The following DCST2 variants were observed in gnomAD, a reference collection of about 807,000 sequenced individuals.
The protein encoded by DCST2 is DC-STAMP domain-containing protein 2.
DCST2 carries 64 observed loss-of-function variants against 81.8 expected under a neutral mutation model. That is an observed-to-expected ratio of 0.78 (90% CI 0.64 to 0.96). The LOEUF (loss-of-function observed/expected upper bound fraction) is 0.96. Among genes scored for constraint, DCST2 ranks in the 40% least tolerant of loss-of-function variants. The pLI is 0.00. For synonymous variants in DCST2, 354 were observed against 402.6 expected, an observed-to-expected ratio of 0.88 and a Z score of 1.44; for missense variants, 945 against 1,001.4, an observed-to-expected ratio of 0.94 and a Z score of 0.76.
intron 7 of DCST2, among the ~76,000 whole-genome samples, chr1:155,029,723 T>G (rs1660013650): frequency 6.6e-6 from 1 of 152,056 alleles, no homozygotes; most frequent in African/African-American, 2.4e-5. Context: ...CCCTCCATAT[T>G]AGCACTTCCT....
In DCST2 at chr1:155,018,637, G is replaced by C. The variant is rs371755027; in HGVS notation, c.2229C>G (p.Ser743=). 6.2e-7 allele frequency: 1 copy of C among 1,613,888 alleles called. No homozygotes were observed. Among genetic ancestry groups the C allele is most frequent in the South Asian group, 1.1e-5 (1 of 91,078 alleles). ...PEPHRPPETS[S]ATKGAPTPAS... ...CTGGAGTGGGGGCTCCTTTAGTGGC[G>C]GAGGATGTCTCAGGTGGTCTGTGGG... The change falls in exon 15 of 15, where the codon TCC becomes TCG. Residue 743 remains serine, a synonymous_variant. Coordinates refer to ENST00000368424, the MANE Select transcript of DCST2 (RefSeq NM_144622.3).
chr1:155,026,400 C>T lies in DCST2; in HGVS notation c.1513G>A (p.Val505Ile), dbSNP rs749108165. The T allele has an allele frequency of 8.1e-6, 13 of 1,613,604 alleles. No individual in the cohort carries two copies. The Admixed American group carries it at 2.0e-4, about 25-fold the overall frequency. The change falls in exon 10 of 15, where the codon GTC becomes ATC. Residue 505 changes from valine to isoleucine, a missense_variant and splice_region_variant. Transcript: ENST00000368424. The stretch of plus-strand genomic sequence containing the variant: ...ATGAAGAAGCATAGGCCATACATGA[C>T]GCCTGGGAGCACAGCAGCCACAGTC... ...PDSTGYIVIG[V>I]MYGLCFFITL...
chr1:155,029,320 C>A lies in DCST2; in HGVS notation c.1255G>T (p.Val419Leu). Residue 419 changes from valine (V) to leucine (L), a missense_variant, in exon 8 of 15, where the codon GTG (valine) becomes TTG (leucine). Physicochemically the swap from Val to Leu is conservative, Grantham distance 32. Coordinates refer to ENST00000368424, the MANE Select transcript of DCST2 (RefSeq NM_144622.3). ...TFNLIRHLLL[V>L]LFLVFLDYAV... ...TAGTCTAGGAAGACTAGGAACAGCA[C>A]GAGGAGGAGGTGTCGGATAAGGTTG... The A allele has an allele frequency of 6.2e-7, 1 of 1,613,952 alleles. No homozygotes were observed. Among genetic ancestry groups the A allele is most frequent in the East Asian group, 2.2e-5 (1 of 44,882 alleles).
At chr1:155,031,080 G>T (rs1345237082) in intron 5 of DCST2, 89 bp downstream of exon 5, 13 of 1,351,116 alleles carry the variant, frequency 9.6e-6, no homozygotes, top group Non-Finnish European at 1.3e-5. Context: ...TTTATGGGCT[G>T]GGAGCACTGG....
At chr1:155,032,431 G>C (rs1299995574) in intron 3 of DCST2, among the ~76,000 whole-genome samples, 1 of 152,052 alleles carries the variant, frequency 6.6e-6, no homozygotes, top group South Asian at 2.1e-4. Flanking sequence ...CTCCCCAGTA[G>C]CTGGGACTAC....
Position 155,022,156 on chromosome 1 carries a change from C to G in DCST2, c.2105+961G>C, listed in dbSNP as rs542124815. ...TTCTAGGATTACAGGCATGAGCCAC[C>G]GTGCCCGGCCCGCTTATGGTCTTAA... is the stretch of plus-strand genomic sequence containing the variant. On this transcript the variant is annotated intron_variant, in intron 14 of 14. Coordinates refer to ENST00000368424, the MANE Select transcript of DCST2 (RefSeq NM_144622.3). Among the ~76,000 whole-genome samples, 3 of 152,254 alleles carry G rather than the reference C, an allele frequency of 2.0e-5. No individual in the cohort carries two copies. The East Asian group carries it at 5.8e-4, about 29-fold the overall frequency.
At chr1:155,024,914 C>T (rs953662247) in intron 10 of DCST2, among the ~76,000 whole-genome samples, 5 of 151,912 alleles carry the variant, frequency 3.3e-5, no homozygotes, top group African/African-American at 7.3e-5. Flanking sequence ...TTTGGGAGGC[C>T]GAGGCGGGTG....
chr1:155,030,184 G>T lies in DCST2; in HGVS notation c.1077C>A (p.Ile359=). ...CCTCCATGCGCAGGAATCGGCTAGT[G>T]ATGTAGATATTGTCATAATGGTCCC... ...LNWDHYDNIY[I]TSRFLRMEAV... is the part of the protein sequence containing the mutation. The change falls in exon 7 of 15, where the codon ATC becomes ATA. Residue 359 remains isoleucine (I), a synonymous_variant. Coordinates refer to ENST00000368424, the MANE Select transcript of DCST2 (RefSeq NM_144622.3). The T allele has an allele frequency of 1.2e-6, 2 of 1,614,194 alleles. No individual in the cohort carries two copies. The highest frequency in any genetic ancestry group is 1.7e-6 in the Non-Finnish European group (2 of 1,180,032).
intron 14 of DCST2, among the ~76,000 whole-genome samples, chr1:155,021,626 G>A (rs897453389): frequency 7.9e-5 from 12 of 151,756 alleles, no homozygotes; most frequent in African/African-American, 1.9e-4. Flanking sequence ...GCCCCCCTGG[G>A]CATCTCCAGC....
intron 7 of DCST2, among the ~76,000 whole-genome samples, 197 bp downstream of exon 7, chr1:155,029,887 C>T (rs1175058530): frequency 1.3e-5 from 2 of 152,234 alleles, no homozygotes; most frequent in Non-Finnish European, 2.9e-5. Flanking sequence ...TTTCAGACTG[C>T]GGGCTCCCCA....
intron 14 of DCST2, among the ~76,000 whole-genome samples, chr1:155,020,004 C>T (rs1168125731): frequency 6.6e-6 from 1 of 152,200 alleles, no homozygotes; most frequent in Non-Finnish European, 1.5e-5. Context: ...CAAAGAGAAG[C>T]GAGGCCACCA....
At position 155,030,598 on chromosome 1, in the gene DCST2, T is replaced by G; in HGVS notation, c.853A>C (p.Met285Leu). ...ACAGAGAAGTGGTGGGTGGCTGTCA[T>G]GTTGAACTCAAACTCCTGACGCACC... is the stretch of plus-strand genomic sequence containing the variant. ...NRVRQEFEFN[M>L]TATHHFSVDL... The change falls in exon 6 of 15, where the codon ATG (methionine) becomes CTG (leucine). Residue 285 changes from methionine (M) to leucine (L), a missense_variant. Physicochemically the swap from Met to Leu is conservative, Grantham distance 15. Transcript: ENST00000368424. The G allele has an allele frequency of 6.2e-7, 1 of 1,613,966 alleles. No individual in the cohort carries two copies. Among genetic ancestry groups the G allele is most frequent in the Non-Finnish European group, 8.5e-7 (1 of 1,180,006 alleles).
chr1:155,032,708 C>A lies in DCST2; in HGVS notation c.500G>T (p.Arg167Leu). 3 of 1,614,092 alleles carry A rather than the reference C, an allele frequency of 1.9e-6. No homozygotes were observed. Among genetic ancestry groups the A allele is most frequent in the Non-Finnish European group, 2.5e-6 (3 of 1,179,970 alleles). Residue 167 changes from arginine (R) to leucine (L), a missense_variant, in exon 3 of 15, where the codon CGC (arginine) becomes CTC (leucine). Arg to Leu is a moderately radical substitution (Grantham distance 102). Transcript: ENST00000368424. ...ATCCATGATTGACCGAAAGAACTTG[C>A]GGACCCGGTCAGCCACCTCTTTGGT... Reference protein sequence around the residue: ...RKTKEVADRVRKFFRSIMDGV... With the variant: ...RKTKEVADRVLKFFRSIMDGV...
At position 155,024,466 on chromosome 1, in the gene DCST2, C is replaced by G. The variant is rs763994773; in HGVS notation, c.1742+6G>C. ...CCCACCCCTATAGAAAAGACAGTGG[C>G]CTCACCGACTGGCCAGCACTAGGAA... On this transcript the variant is annotated splice_donor_region_variant and intron_variant, in intron 11 of 14. Transcript: ENST00000368424. The G allele has an allele frequency of 4.4e-6, 7 of 1,597,344 alleles. No homozygotes were observed. Among genetic ancestry groups the G allele is most frequent in the Middle Eastern group, 3.3e-4 (2 of 6,026 alleles).
chr1:155,024,126 C>T lies in DCST2; in HGVS notation c.1743-167G>A, dbSNP rs531427945. Reference sequence around the variant, plus strand: ...TCTCCATGGCCCTGCCTTCCTTCCTCCCTTCACTCCTCACCCCTAAGAATT... The same window carrying T: ...TCTCCATGGCCCTGCCTTCCTTCCTTCCTTCACTCCTCACCCCTAAGAATT... On this transcript the variant is annotated intron_variant, in intron 11 of 14. Transcript: ENST00000368424. Among the ~76,000 whole-genome samples, 3 of 152,294 alleles carry T rather than the reference C, an allele frequency of 2.0e-5. No individual in the cohort carries two copies. The East Asian group carries it at 5.8e-4, about 29-fold the overall frequency.
chr1:155,024,790 T>C (rs751600583), intron 10 of DCST2, among the ~76,000 whole-genome samples, 188 bp from the exon 11 acceptor site: 4 of 152,220 alleles, frequency 2.6e-5, no homozygotes, highest in Non-Finnish European at 5.9e-5. Flanking sequence ...CTCTCTCCTC[T>C]GGGTTTCCAT....
chr1:155,023,613 TATAA>T (rs1476585805), intron 12 of DCST2, 156 bp from the exon 13 acceptor site: 4 of 1,546,438 alleles, frequency 2.6e-6, no homozygotes, highest in Non-Finnish European at 3.5e-6. Flanking sequence ...GCCACTTGCA[TATAA>T]ATCCTATTCA....
At chr1:155,028,380 C>A (rs950269375) in intron 8 of DCST2, among the ~76,000 whole-genome samples, 3 of 152,096 alleles carry the variant, frequency 2.0e-5, no homozygotes, top group Admixed American at 6.5e-5. Flanking sequence ...CACCGGAGGT[C>A]AGGAGTTCGA....
At chr1:155,026,911 A>G (rs553107971) in intron 8 of DCST2, 196 bp from the exon 9 acceptor site, 16 of 628,616 alleles carry the variant, frequency 2.5e-5, no homozygotes, top group Admixed American at 1.2e-4. Context: ...GACTGGCCCC[A>G]TGGTCCAACT....
Sources: allele counts gnomAD v4.1 joint callset (sites outside exome capture counted in the v4.1 genomes callset), GRCh38; gene constraint gnomAD v4.1.1; transcripts MANE v1.5; gene names NCBI Gene and HGNC (gene_info 2026-07-23, HGNC 2026-07-21).